Variants in P4HA3 observed in about 807,000 individuals in gnomAD.
The protein encoded by P4HA3 is prolyl 4-hydroxylase subunit alpha-3.
A neutral mutation model predicts 66.7 loss-of-function variants in P4HA3; 60 were observed. That is an observed-to-expected ratio of 0.90 (90% CI 0.73 to 1.12). The LOEUF is 1.12. Among genes scored for constraint, P4HA3 ranks in the 50% most tolerant of loss-of-function variants. P4HA3 has a pLI of 0.00. For synonymous variants in P4HA3, 263 were observed against 274.6 expected (o/e 0.96, Z 0.42); for missense variants, 683 against 685.8 (o/e 1.00, Z 0.05).
downstream of P4HA3, among the ~76,000 whole-genome samples, chr11:74,264,558 C>A (rs948872154): frequency 6.6e-6 from 1 of 152,162 alleles, no homozygotes; most frequent in African/African-American, 2.4e-5. Context: ...TTTCTAGGGG[C>A]AGGGTCAGCA....
chr11:74,307,471 T>C (rs1484375112), intron 1 of P4HA3, among the ~76,000 whole-genome samples: 1 of 152,184 alleles, frequency 6.6e-6, no homozygotes, highest in Non-Finnish European at 1.5e-5. Context: ...CAGGGTTTGA[T>C]CTCTATTGCA....
chr11:74,276,444 T>C (rs1860398469), intron 9 of P4HA3, among the ~76,000 whole-genome samples: 1 of 151,882 alleles, frequency 6.6e-6, no homozygotes, highest in Non-Finnish European at 1.5e-5. Flanking sequence ...CTAGAGCTAC[T>C]TGGGAGGCTG....
intron 7 of P4HA3, among the ~76,000 whole-genome samples, chr11:74,281,198 G>A (rs1229340342): frequency 6.6e-6 from 1 of 152,100 alleles, no homozygotes; most frequent in Admixed American, 6.5e-5. Context: ...CAGTTAGAAT[G>A]GCAATCATTA....
intron 1 of P4HA3, among the ~76,000 whole-genome samples, chr11:74,309,478 AC>A (rs1003101134): frequency 6.6e-5 from 10 of 151,876 alleles, no homozygotes; most frequent in African/African-American, 1.9e-4. Flanking sequence ...GGGGATTTTG[AC>A]CCCCCACTCC....
Position 74,311,521 on chromosome 11 carries a change from A to C in P4HA3, c.91T>G (p.Phe31Val). Residue 31 changes from phenylalanine (F) to valine (V), a missense_variant, in exon 1 of 13, where the codon TTC (phenylalanine) becomes GTC (valine). Coordinates refer to ENST00000331597, the MANE Select transcript of P4HA3 (RefSeq NM_182904.5). Reference protein sequence around the residue: ...PERAAARGDTFSALTSVARAL... With the variant: ...PERAAARGDTVSALTSVARAL... Reference sequence around the variant, plus strand: ...CGCGCCACGCTGGTCAGCGCCGAGAACGTGTCGCCCCGAGCCGCAGCCCTT... The same window carrying C: ...CGCGCCACGCTGGTCAGCGCCGAGACCGTGTCGCCCCGAGCCGCAGCCCTT... 3.2e-6 allele frequency: 5 copies of C among 1,541,932 alleles called. No homozygotes were observed. Among genetic ancestry groups the C allele is most frequent in the Non-Finnish European group, 4.3e-6 (5 of 1,153,046 alleles).
chr11:74,286,547 C>T (rs987227615), intron 5 of P4HA3, among the ~76,000 whole-genome samples, 156 bp from the exon 6 acceptor site: 3 of 152,156 alleles, frequency 2.0e-5, no homozygotes, highest in African/African-American at 7.2e-5. Flanking sequence ...GGATGCAAGG[C>T]CCTCACTCCC....
intron 7 of P4HA3, among the ~76,000 whole-genome samples, chr11:74,281,306 G>T (rs921476134): frequency 2.0e-5 from 3 of 151,778 alleles, no homozygotes; most frequent in African/African-American, 7.2e-5. Context: ...CATTGTGGAA[G>T]TCAGTGTGGC....
intron 15 of P4HA3, chr11:74,253,911 C>T: frequency 3.4e-6 from 1 of 293,290 alleles, no homozygotes; most frequent in Admixed American, 4.8e-5. Flanking sequence ...CTTGGCATGG[C>T]CCAGCCCTGC....
intron 15 of P4HA3, among the ~76,000 whole-genome samples, chr11:74,255,303 C>T (rs17629235): frequency 0.16 from 23,962 of 152,192 alleles, 2,384 homozygotes; most frequent in Non-Finnish European, 0.22. Flanking sequence ...TCCTCTTTTC[C>T]GTGTCCCCCT....
Position 74,311,558 on chromosome 11 carries a change from T to G in P4HA3, c.54A>C (p.Thr18=). The G allele has an allele frequency of 6.5e-7, 1 of 1,539,764 alleles. No homozygotes were observed. Among genetic ancestry groups the G allele is most frequent in the Non-Finnish European group, 8.7e-7 (1 of 1,153,880 alleles). The change falls in exon 1 of 13, where the codon ACA becomes ACC. Residue 18 remains threonine (T), a synonymous_variant. Transcript: ENST00000331597. ...GAGCCGCAGCCCTTTCTGGGTCTCCTGTCCCGAGCGCCAGCACCGCCAGCA... is the reference window on the plus strand; with the variant it reads ...GAGCCGCAGCCCTTTCTGGGTCTCCGGTCCCGAGCGCCAGCACCGCCAGCA... ...AALLAVLALG[T]GDPERAAARG...
At chr11:74,254,048 T>G (rs1485988817) in intron 15 of P4HA3, 3 of 154,608 alleles carry the variant, frequency 1.9e-5, no homozygotes, top group African/African-American at 7.2e-5. Context: ...CAAGATCCCA[T>G]CCTTAGCCAT....
intron 2 of P4HA3, among the ~76,000 whole-genome samples, chr11:74,303,862 T>C (rs1220297351): frequency 6.6e-6 from 1 of 152,092 alleles, no homozygotes; most frequent in Non-Finnish European, 1.5e-5. Flanking sequence ...GCAATACAGG[T>C]GTGAGCCACC....
intron 4 of P4HA3, among the ~76,000 whole-genome samples, chr11:74,289,799 T>C (rs1591117921): frequency 1.3e-5 from 2 of 152,282 alleles, no homozygotes; most frequent in Admixed American, 1.3e-4. Context: ...GGCTGCATAG[T>C]ATTCCCTGGT....
At chr11:74,273,711 AG>A in intron 9 of P4HA3, 104 bp from the exon 10 acceptor site, 2 of 899,652 alleles carry the variant, frequency 2.2e-6, no homozygotes, top group Non-Finnish European at 3.1e-6. Flanking sequence ...GGGGCATCAA[AG>A]ATGGGATATA....
intron 3 of P4HA3, among the ~76,000 whole-genome samples, chr11:74,299,189 C>G (rs766001831): frequency 4.6e-5 from 7 of 152,186 alleles, no homozygotes; most frequent in Non-Finnish European, 8.8e-5. Context: ...ATGCTGGCAA[C>G]ATGGCAACAC....
chr11:74,278,161 A>G (rs1451592142), intron 8 of P4HA3, among the ~76,000 whole-genome samples: 2 of 152,036 alleles, frequency 1.3e-5, no homozygotes, highest in Non-Finnish European at 2.9e-5. Flanking sequence ...TGGGGCACTC[A>G]GGTAAGATAG....
At chr11:74,252,480 C>T (rs961087963) in intron 15 of P4HA3, 13 of 456,434 alleles carry the variant, frequency 2.8e-5, no homozygotes, top group Non-Finnish European at 5.7e-5. Flanking sequence ...GGTGCCTCTG[C>T]CAGGCTTGCT....
At position 74,302,369 on chromosome 11, in the gene P4HA3, C is replaced by T. The variant is rs745890822; in HGVS notation, c.567G>A (p.Lys189=). 5.0e-6 allele frequency: 8 copies of T among 1,611,158 alleles called. No homozygotes were observed. The highest frequency in any genetic ancestry group is 1.8e-4 in the Middle Eastern group (1 of 5,482). The change falls in exon 3 of 13, where the codon AAG becomes AAA. Residue 189 remains lysine (K), a splice_region_variant and synonymous_variant. Transcript: ENST00000331597. ...LTGDDCFQVG[K]VAYDMGDYYH... Reference sequence around the variant, plus strand: ...TTGGCCCTCTCTTGAATATTGTTACCTTGCCAACTTGGAAGCAGTCATCCC... The same window carrying T: ...TTGGCCCTCTCTTGAATATTGTTACTTTGCCAACTTGGAAGCAGTCATCCC...
intron 4 of P4HA3, among the ~76,000 whole-genome samples, chr11:74,290,189 G>A (rs915489561): frequency 1.4e-4 from 21 of 152,050 alleles, no homozygotes; most frequent in Non-Finnish European, 2.5e-4. Context: ...TTTCTCTGAT[G>A]GCCAGTGACG....
Sources: allele counts gnomAD v4.1 joint callset (sites outside exome capture counted in the v4.1 genomes callset), GRCh38; gene constraint gnomAD v4.1.1; transcripts MANE v1.5; gene names NCBI Gene and HGNC (gene_info 2026-07-23, HGNC 2026-07-21).